TMEM87B: variants seen among roughly 807,000 people sequenced by gnomAD.
TMEM87B encodes the protein transmembrane protein 87B.
In TMEM87B, 83 loss-of-function variants were observed where a neutral mutation model predicts 80.3. That is an observed-to-expected ratio of 1.03 (90% CI 0.87 to 1.24). TMEM87B has a LOEUF of 1.24. Among genes scored for constraint, TMEM87B ranks in the 50% most tolerant of loss-of-function variants. The pLI is 0.00. For synonymous variants in TMEM87B, 219 were observed against 230.5 expected (o/e 0.95, Z 0.45); for missense variants, 625 against 674.4 (o/e 0.93, Z 0.81).
intron 3 of TMEM87B, among the ~76,000 whole-genome samples, chr2:112,065,134 C>T (rs1480165876): frequency 6.6e-6 from 1 of 152,052 alleles, no homozygotes; most frequent in Non-Finnish European, 1.5e-5. Context: ...TTATAGCTGG[C>T]TTTCTGTATT....
chr2:112,080,228 CCCT>C, intron 6 of TMEM87B, among the ~76,000 whole-genome samples: 1 of 149,814 alleles, frequency 6.7e-6, no homozygotes, highest in East Asian at 2.0e-4. Context: ...AACGCCCAGC[CCCT>C]TGCCCATTCT....
rs1678994798 is a variant in TMEM87B, at chr2:112,081,416, T to G, written c.736T>G (p.Leu246Val). 3.1e-6 allele frequency: 5 copies of G among 1,614,034 alleles called. No homozygotes were observed. The highest frequency in any genetic ancestry group is 4.2e-6 in the Non-Finnish European group (5 of 1,179,972). Reference sequence around the variant, plus strand: ...GTCTGCCTGTTATTGGAAAGATATATTAAGAATCCAGTTCTGGATTGCAGC... The same window carrying G: ...GTCTGCCTGTTATTGGAAAGATATAGTAAGAATCCAGTTCTGGATTGCAGC... ...TWSACYWKDI[L>V]RIQFWIAAVI... The change falls in exon 8 of 19, where the codon TTA (leucine) becomes GTA (valine). Residue 246 changes from leucine to valine, a missense_variant. Transcript: ENST00000283206.
chr2:112,055,798 C>A, intron 1 of TMEM87B, 42 bp downstream of exon 1: 1 of 1,447,500 alleles, frequency 6.9e-7, no homozygotes, highest in Non-Finnish European at 9.1e-7. Flanking sequence ...CGTCTCGGGC[C>A]GTCAGGGCCG....
chr2:112,060,149 G>A (rs1197398654), intron 2 of TMEM87B, 112 bp downstream of exon 2: 30 of 1,225,468 alleles, frequency 2.4e-5, no homozygotes, highest in Admixed American at 7.6e-5. Flanking sequence ...AGTTCAGGAC[G>A]AGCCTGGCCA....
At chr2:112,093,272 T>A (rs1679356843) in intron 11 of TMEM87B, among the ~76,000 whole-genome samples, 1 of 152,214 alleles carries the variant, frequency 6.6e-6, no homozygotes, top group South Asian at 2.1e-4. Context: ...GCTTCCAACT[T>A]AAAAAGCCTA....
At position 112,074,999 on chromosome 2, in the gene TMEM87B, C is replaced by T. The variant is rs761945638; in HGVS notation, c.501+37C>T. Reference sequence around the variant, plus strand: ...GATTTGTCTTTAAATCAAATATACACAAGTTAACGTAAGACTGAAAAAAGT... The same window carrying T: ...GATTTGTCTTTAAATCAAATATACATAAGTTAACGTAAGACTGAAAAAAGT... On this transcript the variant is annotated intron_variant, in intron 5 of 18. Coordinates refer to ENST00000283206, the MANE Select transcript of TMEM87B (RefSeq NM_032824.3). 5.7e-6 allele frequency: 9 copies of T among 1,569,202 alleles called. No individual in the cohort carries two copies. The South Asian group carries it at 1.0e-4, about 18-fold the overall frequency.
At position 112,066,924 on chromosome 2, in the gene TMEM87B, T is replaced by C. The variant is rs369824926; in HGVS notation, c.319-12T>C. On this transcript the variant is annotated splice_polypyrimidine_tract_variant and intron_variant, in intron 3 of 18. Transcript: ENST00000283206. The stretch of plus-strand genomic sequence containing the variant: ...GGGAATAAATTATAACATAGAATTT[T>C]ACCTTATATAGGAGCTGTTCCAAAA... The C allele has an allele frequency of 2.0e-5, 31 of 1,565,296 alleles. No individual in the cohort carries two copies. In the African/African-American group the frequency reaches 3.9e-4, roughly 20 times the overall value.
chr2:112,063,570 AC>A (rs777828225), intron 2 of TMEM87B, among the ~76,000 whole-genome samples: 24 of 152,104 alleles, frequency 1.6e-4, no homozygotes, highest in Admixed American at 3.3e-4. Context: ...TGTTTGGTCC[AC>A]CCTTCTCTTC....
chr2:112,103,078 G>C (rs1315002368), intron 15 of TMEM87B, among the ~76,000 whole-genome samples: 2 of 152,148 alleles, frequency 1.3e-5, no homozygotes, highest in Admixed American at 6.5e-5. Flanking sequence ...CTAAAGAAAA[G>C]AAAAAGTACG....
intron 8 of TMEM87B, among the ~76,000 whole-genome samples, chr2:112,084,820 TG>T (rs531931488): frequency 1.0e-4 from 16 of 152,388 alleles, no homozygotes; most frequent in Non-Finnish European, 1.9e-4. Flanking sequence ...CCTGCAGTTT[TG>T]TTCCTCTCCA....
chr2:112,087,941 A>G (rs1260167642), intron 9 of TMEM87B, among the ~76,000 whole-genome samples: 1 of 152,028 alleles, frequency 6.6e-6, no homozygotes, highest in African/African-American at 2.4e-5. Context: ...GGTTTCTGGG[A>G]GCTCGTCTTC....
At chr2:112,099,719 AT>A (rs1421616929) in intron 14 of TMEM87B, among the ~76,000 whole-genome samples, 1 of 150,892 alleles carries the variant, frequency 6.6e-6, no homozygotes, top group Non-Finnish European at 1.5e-5. Context: ...CTACAAAAAA[AT>A]ACAAAAATTA....
intron 4 of TMEM87B, among the ~76,000 whole-genome samples, chr2:112,069,357 G>C (rs1678556053): frequency 6.6e-6 from 1 of 152,028 alleles, no homozygotes; most frequent in African/African-American, 2.4e-5. Context: ...TGTGTCTGCT[G>C]TTCCCCTCTT....
chr2:112,099,741 G>A (rs1679577983), intron 14 of TMEM87B, among the ~76,000 whole-genome samples: 1 of 150,878 alleles, frequency 6.6e-6, no homozygotes, highest in South Asian at 2.1e-4. Flanking sequence ...GCCAGGTGCG[G>A]TGGTATGTGC....
At chr2:112,087,090 T>G (rs1679168098) in intron 9 of TMEM87B, among the ~76,000 whole-genome samples, 1 of 152,082 alleles carries the variant, frequency 6.6e-6, no homozygotes, top group African/African-American at 2.4e-5. Context: ...TCCCTCCCCA[T>G]CTTATATCCT....
chr2:112,097,361 GT>G, intron 13 of TMEM87B, 70 bp downstream of exon 13: 1 of 1,246,430 alleles, frequency 8.0e-7, no homozygotes, highest in Non-Finnish European at 1.1e-6. Context: ...GAACAATTTA[GT>G]TTATGCTTGC....
At chr2:112,099,555 T>TATATAC (rs1019425429) in intron 14 of TMEM87B, among the ~76,000 whole-genome samples, 22 of 73,570 alleles carry the variant, frequency 3.0e-4, no homozygotes, top group Middle Eastern at 0.01. Context: ...TATATATATA[T>TATATAC]ACACACACAC....
chr2:112,057,127 C>T (rs915929261), intron 1 of TMEM87B, among the ~76,000 whole-genome samples: 8 of 152,146 alleles, frequency 5.3e-5, no homozygotes, highest in Non-Finnish European at 1.0e-4. Context: ...AATTTTACTC[C>T]TGTGTGACCC....
At chr2:112,084,875 T>G (rs958673609) in intron 8 of TMEM87B, among the ~76,000 whole-genome samples, 4 of 152,250 alleles carry the variant, frequency 2.6e-5, no homozygotes, top group African/African-American at 4.8e-5. Context: ...AAGCCATCCA[T>G]TTTATTCCAG....
Sources: gnomAD v4.1 joint callset for allele counts (sites outside exome capture counted in the v4.1 genomes callset) on GRCh38, gnomAD v4.1.1 for gene constraint, MANE v1.5 for transcripts, NCBI Gene and HGNC (gene_info 2026-07-23, HGNC 2026-07-21) for gene names.